The following MAPK6 variants were observed in gnomAD, a reference collection of about 807,000 sequenced individuals.
The protein encoded by MAPK6 is mitogen-activated protein kinase 6.
In MAPK6, 19 loss-of-function variants were observed where a neutral mutation model predicts 59.3. That is an observed-to-expected ratio of 0.32 (90% CI 0.22 to 0.47). The LOEUF (loss-of-function observed/expected upper bound fraction) is 0.47, where lower values mean the gene tolerates loss of function less well. Ranked by LOEUF, MAPK6 falls within the 20% of genes least tolerant of loss-of-function variation. MAPK6 has a pLI of 1.00. For missense variants in MAPK6, 724 were observed against 847.9 expected, an observed-to-expected ratio of 0.85 and a Z score of 1.81; for synonymous variants, 316 against 290.3, an observed-to-expected ratio of 1.09 and a Z score of -0.90.
chr15:52,056,667 C>T (rs1287270161), intron 3 of MAPK6: 3 of 152,254 alleles, frequency 2.0e-5, no homozygotes, highest in African/African-American at 7.2e-5. Context: ...GGGCACGCCA[C>T]TCTTGAATTC....
rs574779395 is a variant in MAPK6, at chr15:52,064,795, A to G, written c.1961A>G (p.Glu654Gly). Residue 654 changes from glutamate (E) to glycine (G), a missense_variant, in exon 6 of 6, where the codon GAG becomes GGG. Coordinates refer to ENST00000261845, the MANE Select transcript of MAPK6 (RefSeq NM_002748.4). ...CCAGTAGAGGATGGGAAGCTTGGGG[A>G]GAGAGGACATGAGGAAGGATTTCTG... Reference protein sequence around the residue: ...TEPVEDGKLGERGHEEGFLNN... With the variant: ...TEPVEDGKLGGRGHEEGFLNN... The G allele has an allele frequency of 1.5e-5, 24 of 1,611,952 alleles. No individual in the cohort carries two copies. The highest frequency in any genetic ancestry group is 1.3e-4 in the Admixed American group (8 of 60,000).
intron 1 of MAPK6, among the ~76,000 whole-genome samples, chr15:52,025,451 A>G (rs986625858): frequency 3.3e-5 from 5 of 152,204 alleles, no homozygotes; most frequent in Non-Finnish European, 7.3e-5. Context: ...ACTGTTGAAT[A>G]CTTGACGAGC....
At chr15:52,061,913 CATATTT>C (rs2032219445) in intron 5 of MAPK6, among the ~76,000 whole-genome samples, 1 of 151,792 alleles carries the variant, frequency 6.6e-6, no homozygotes, top group Non-Finnish European at 1.5e-5. Flanking sequence ...GTCATTAAGG[CATATTT>C]ATAAAGTCCT....
chr15:51,994,061 A>G (rs1422277975), intron 2 of MAPK6, among the ~76,000 whole-genome samples: 1 of 152,074 alleles, frequency 6.6e-6, no homozygotes, highest in Non-Finnish European at 1.5e-5. Context: ...CCTGGGTTCA[A>G]GCGATTCTCC....
At chr15:52,028,636 C>G (rs1183679227) in intron 1 of MAPK6, among the ~76,000 whole-genome samples, 2 of 152,180 alleles carry the variant, frequency 1.3e-5, no homozygotes, top group Non-Finnish European at 2.9e-5. Flanking sequence ...AATGGCTGCT[C>G]TATTGGACAG....
At chr15:52,026,686 A>G (rs1370588436) in intron 1 of MAPK6, among the ~76,000 whole-genome samples, 1 of 152,214 alleles carries the variant, frequency 6.6e-6, no homozygotes, top group Admixed American at 6.5e-5. Context: ...AAAGAGCATC[A>G]GTGCTCTTGT....
Position 52,043,742 on chromosome 15 carries a change from A to ATTTTTTTTT in MAPK6, c.-631-2062_-631-2054dup, listed in dbSNP as rs71130125. 2.2e-3 allele frequency among the ~76,000 whole-genome samples: 88 copies of ATTTTTTTTT among 40,664 alleles called. 13 individuals carry two copies. The highest frequency in any genetic ancestry group is 2.7e-3 in the Non-Finnish European group (60 of 22,484). 26.7% of individuals were successfully genotyped at this position (40,664 alleles called of 152,430 possible). On this transcript the variant is annotated intron_variant, in intron 1 of 5. Transcript: ENST00000261845. ...TGATATGTTGGACTTAAGTTGTTTG[A>ATTTTTTTTT]TTTTTTTTTTTTTTTTTTTTTTTTT...
intron 3 of MAPK6, among the ~76,000 whole-genome samples, chr15:52,055,028 C>T (rs1371876847): frequency 6.6e-6 from 1 of 152,212 alleles, no homozygotes; most frequent in Non-Finnish European, 1.5e-5. Context: ...GATCTGTGTG[C>T]CTTGGCCTCC....
At chr15:51,990,642 C>T (rs776927669) in intron 2 of MAPK6, among the ~76,000 whole-genome samples, 57 of 151,874 alleles carry the variant, frequency 3.8e-4, no homozygotes, top group Non-Finnish European at 3.7e-4. Context: ...ATGGAGAAAC[C>T]GTGTCTCTAC....
At chr15:52,009,807 C>G (rs997360928) in intron 3 of MAPK6, among the ~76,000 whole-genome samples, 1 of 151,848 alleles carries the variant, frequency 6.6e-6, no homozygotes, top group Non-Finnish European at 1.5e-5. Flanking sequence ...GAGTCTTGCT[C>G]TGTCGCCCAG....
At chr15:52,032,467 G>A (rs987164183) in intron 1 of MAPK6, among the ~76,000 whole-genome samples, 2 of 152,120 alleles carry the variant, frequency 1.3e-5, no homozygotes, top group African/African-American at 4.8e-5. Context: ...TGGGATTACA[G>A]GCGTGAGCCA....
At chr15:52,020,830 A>AT (rs759415569) in intron 1 of MAPK6, among the ~76,000 whole-genome samples, 2 of 152,244 alleles carry the variant, frequency 1.3e-5, no homozygotes, top group Admixed American at 1.3e-4. Context: ...GTCATTTCAC[A>AT]TATGTTACAT....
chr15:51,985,714 T>G (rs2057188917), intron 2 of MAPK6, among the ~76,000 whole-genome samples: 1 of 151,764 alleles, frequency 6.6e-6, no homozygotes, highest in Non-Finnish European at 1.5e-5. Flanking sequence ...ATCCTAACAC[T>G]TTGGGAGGCC....
chr15:52,062,132 T>C (rs946889103), intron 5 of MAPK6, among the ~76,000 whole-genome samples: 5 of 148,346 alleles, frequency 3.4e-5, no homozygotes, highest in African/African-American at 1.3e-4. Context: ...CAGGCTGGAG[T>C]GCAGTGATGC....
At chr15:52,027,807 C>CTGTTG (rs2030864636) in intron 1 of MAPK6, 1 of 151,548 alleles carries the variant, frequency 6.6e-6, no homozygotes, top group African/African-American at 2.4e-5. Context: ...GAGTCTCACT[C>CTGTTG]TGTTGGCCAG....
intron 3 of MAPK6, among the ~76,000 whole-genome samples, chr15:52,053,144 C>G (rs1438691632): frequency 7.0e-6 from 1 of 143,398 alleles, no homozygotes; most frequent in Non-Finnish European, 1.5e-5. Context: ...GTGATCTTGG[C>G]TCACTGCAAC....
Position 51,997,945 on chromosome 15 carries a change from CTTTCTTTT to C in MAPK6, c.-769-6310_-769-6303del, listed in dbSNP as rs1041877487. ...TTTCTCTTTCTTTCTTTCTTTCTTT[CTTTCTTTT>C]TTTCTTTTTGAGACAAAGTCTCGCT... On this transcript the variant is annotated intron_variant, in intron 2 of 7. Transcript: ENST00000691380. Among the ~76,000 whole-genome samples, 39 of 150,058 alleles carry C rather than the reference CTTTCTTTT, an allele frequency of 2.6e-4. 4 individuals are homozygous for C. The highest frequency in any genetic ancestry group is 1.3e-3 in the Admixed American group (20 of 15,010).
chr15:52,027,865 C>T (rs1023704802), intron 1 of MAPK6: 2 of 151,558 alleles, frequency 1.3e-5, no homozygotes, highest in Non-Finnish European at 2.9e-5. Flanking sequence ...CTCTGCGTCC[C>T]AGATTCAGGT....
intron 1 of MAPK6, among the ~76,000 whole-genome samples, chr15:51,972,745 C>G (rs1335308342): frequency 2.0e-5 from 3 of 150,588 alleles, no homozygotes; most frequent in Non-Finnish European, 4.4e-5. Context: ...TGGCGTGAAC[C>G]CAGGAGGCGG....
Sources: gnomAD v4.1 joint callset for allele counts (sites outside exome capture counted in the v4.1 genomes callset) on GRCh38, gnomAD v4.1.1 for gene constraint, MANE v1.5 for transcripts, NCBI Gene and HGNC (gene_info 2026-07-23, HGNC 2026-07-21) for gene names.